The following PARN variants were observed in gnomAD, a reference collection of about 807,000 sequenced individuals.
PARN encodes the protein poly(A)-specific ribonuclease PARN.
PARN carries 71 observed loss-of-function variants against 102.8 expected under a neutral mutation model. The ratio of observed to expected loss-of-function variants is 0.69; its 90% confidence interval spans 0.57 to 0.84. PARN has a LOEUF of 0.84. Among genes scored for constraint, PARN ranks in the 40% least tolerant of loss-of-function variants. The probability of loss-of-function intolerance (pLI) is 0.00; values close to 1 mark genes in which losing one functional copy is unlikely to be tolerated. For synonymous variants in PARN, 261 were observed against 252.9 expected (o/e 1.03, Z -0.30); for missense variants, 782 against 760.9 (o/e 1.03, Z -0.33).
At chr16:14,542,139 G>T (rs752829272) in intron 21 of PARN, among the ~76,000 whole-genome samples, 1 of 146,170 alleles carries the variant, frequency 6.8e-6, no homozygotes, top group Non-Finnish European at 1.6e-5. Context: ...TAAGTAGCTG[G>T]GACTACAGGT....
At chr16:14,526,921 GC>G (rs1175524526) in intron 21 of PARN, among the ~76,000 whole-genome samples, 1 of 152,174 alleles carries the variant, frequency 6.6e-6, no homozygotes, top group Admixed American at 6.5e-5. Context: ...TCCTTTAAAA[GC>G]AAATAAAAAG....
intron 23 of PARN, among the ~76,000 whole-genome samples, chr16:14,442,414 T>C (rs1960981965): frequency 6.6e-6 from 1 of 152,154 alleles, no homozygotes; most frequent in African/African-American, 2.4e-5. Context: ...GGATGGAAAG[T>C]GGCTGGCACT....
intron 5 of PARN, among the ~76,000 whole-genome samples, chr16:14,621,527 A>G (rs2151814790): frequency 6.6e-6 from 1 of 152,302 alleles, no homozygotes; most frequent in South Asian, 2.1e-4. Context: ...AAACCTCTGA[A>G]CTTGGCCAGA....
intron 10 of PARN, among the ~76,000 whole-genome samples, chr16:14,604,739 C>T (rs1169412748): frequency 6.6e-6 from 1 of 152,046 alleles, no homozygotes; most frequent in African/African-American, 2.4e-5. Context: ...CCTCAGCCTC[C>T]AGAGTAGCCA....
rs1969288822 is a variant in PARN at position 14,578,354 on chromosome 16, AG to A, written c.1262+2519del. Among the ~76,000 whole-genome samples the A allele has an allele frequency of 2.8e-5, 4 of 142,574 alleles. No individual in the cohort carries two copies. The South Asian group carries it at 9.0e-4, about 32-fold the overall frequency. The allele number at this position is 142,574 out of a possible 152,430, so 93.5% of individuals were successfully genotyped here. On this transcript the variant is annotated intron_variant, in intron 18 of 23. Coordinates refer to ENST00000437198, the MANE Select transcript of PARN (RefSeq NM_002582.4). ...ACCAAAAAAAAAAAAAAAAAAAAAG[AG>A]GAATAAAAACAGTTCTTGGCTAGGC...
intron 18 of PARN, among the ~76,000 whole-genome samples, chr16:14,566,232 T>C (rs1327802416): frequency 6.6e-6 from 1 of 152,184 alleles, no homozygotes; most frequent in Admixed American, 6.5e-5. Context: ...ATATCTGGGA[T>C]TGATGATATT....
At chr16:14,489,437 CAAAAAAA>C (rs770783306) in intron 21 of PARN, among the ~76,000 whole-genome samples, 1,029 of 59,438 alleles carry the variant, frequency 0.017, 10 homozygotes, top group Non-Finnish European at 0.022. Flanking sequence ...GAGAGAGACT[CAAAAAAA>C]AAAAAAAAAA....
At chr16:14,624,199 G>A (rs1171028657) in intron 5 of PARN, among the ~76,000 whole-genome samples, 2 of 152,110 alleles carry the variant, frequency 1.3e-5, no homozygotes, top group East Asian at 3.8e-4. Flanking sequence ...GGTGATAAGA[G>A]CTTTCTGAGA....
intron 21 of PARN, among the ~76,000 whole-genome samples, chr16:14,534,857 A>C (rs1966542963): frequency 6.7e-6 from 1 of 148,170 alleles, no homozygotes; most frequent in Non-Finnish European, 1.5e-5. Context: ...TTTTGGAGAC[A>C]GAATTTCACT....
At chr16:14,451,869 C>CAAAAAAAAAAAAAAAAAAAAAAAAAA (rs869041563) in intron 22 of PARN, among the ~76,000 whole-genome samples, 45 of 52,500 alleles carry the variant, frequency 8.6e-4, no homozygotes, top group Admixed American at 1.1e-3. Flanking sequence ...AAAAAAAATA[C>CAAAAAAAAAAAAAAAAAAAAAAAAAA]AAAAAAAAAA....
chr16:14,604,014 G>A, intron 11 of PARN, 132 bp downstream of exon 11: 1 of 711,646 alleles, frequency 1.4e-6, no homozygotes, highest in Non-Finnish European at 2.5e-6. Flanking sequence ...AGGTTTTTCT[G>A]CCAATTCCAT....
At chr16:14,569,967 C>G (rs1968687084) in intron 18 of PARN, among the ~76,000 whole-genome samples, 1 of 152,058 alleles carries the variant, frequency 6.6e-6, no homozygotes, top group African/African-American at 2.4e-5. Context: ...CGTAATATGC[C>G]AAAAACCACT....
chr16:14,497,871 C>T (rs917717607), intron 21 of PARN, among the ~76,000 whole-genome samples: 1 of 152,024 alleles, frequency 6.6e-6, no homozygotes, highest in Non-Finnish European at 1.5e-5. Flanking sequence ...CACCTGTAAC[C>T]CCAGTACTTT....
chr16:14,479,981 G>C (rs1024992354), intron 22 of PARN, among the ~76,000 whole-genome samples: 1 of 151,028 alleles, frequency 6.6e-6, no homozygotes, highest in African/African-American at 2.4e-5. Flanking sequence ...TTTTGGGGGA[G>C]GAGGGGATTC....
At chr16:14,476,177 T>C (rs978017555) in intron 22 of PARN, among the ~76,000 whole-genome samples, 2 of 152,238 alleles carry the variant, frequency 1.3e-5, no homozygotes, top group African/African-American at 4.8e-5. Context: ...AATGTTCAAA[T>C]ATCTACCATT....
intron 21 of PARN, among the ~76,000 whole-genome samples, chr16:14,516,519 T>A (rs1965465577): frequency 1.3e-5 from 2 of 152,188 alleles, no homozygotes; most frequent in African/African-American, 2.4e-5. Flanking sequence ...AAAGTCAGAT[T>A]GCCATCACAC....
chr16:14,473,742 C>T (rs1049343299), intron 22 of PARN, among the ~76,000 whole-genome samples: 2 of 152,166 alleles, frequency 1.3e-5, no homozygotes, highest in South Asian at 2.1e-4. Flanking sequence ...CCACTGCTTG[C>T]GCTGTAGACA....
rs1310718230 is a variant in PARN at position 14,482,879 on chromosome 16, C to T, written c.1481-52G>A. ...ATGCTTACAAAAGTCTGGCCTAGCC[C>T]CAAAGATGACACTTTTGAAATGTGG... On this transcript the variant is annotated intron_variant, in intron 21 of 23. Transcript: ENST00000437198. 8.3e-6 allele frequency: 12 copies of T among 1,444,122 alleles called. No homozygotes were observed. The East Asian group carries it at 2.4e-4, about 29-fold the overall frequency. 89.5% of individuals were successfully genotyped at this position (1,444,122 alleles called of 1,614,324 possible). A position where few individuals can be genotyped will look rare whatever the true frequency, so the allele number is the denominator to read the frequency against.
intron 21 of PARN, among the ~76,000 whole-genome samples, chr16:14,533,151 C>A (rs1350201129): frequency 1.3e-5 from 2 of 152,150 alleles, no homozygotes; most frequent in African/African-American, 4.8e-5. Flanking sequence ...CGTCTGCAAC[C>A]CCGGCACCTC....
Sources: gnomAD v4.1 joint callset for allele counts (sites outside exome capture counted in the v4.1 genomes callset) on GRCh38, gnomAD v4.1.1 for gene constraint, MANE v1.5 for transcripts, NCBI Gene and HGNC (gene_info 2026-07-23, HGNC 2026-07-21) for gene names.